Variants in PSD3 observed in about 807,000 individuals in gnomAD.
PSD3 encodes pleckstrin and Sec7 domain containing 3, also known as PH and SEC7 domain-containing protein 3.
A neutral mutation model predicts 105.5 loss-of-function variants in PSD3; 49 were observed. The ratio of observed to expected loss-of-function variants is 0.46; its 90% confidence interval spans 0.37 to 0.59. The LOEUF (loss-of-function observed/expected upper bound fraction) is 0.59, where lower values mean the gene tolerates loss of function less well. Among genes scored for constraint, PSD3 ranks in the 20% least tolerant of loss-of-function variants. The pLI is 0.00. For synonymous variants in PSD3, 557 were observed against 457.8 expected, an observed-to-expected ratio of 1.22 and a Z score of -2.77; for missense variants, 1,561 against 1,263.8, an observed-to-expected ratio of 1.24 and a Z score of -3.57.
At chr8:18,586,459 T>C (rs1803194675) in intron 12 of PSD3, among the ~76,000 whole-genome samples, 1 of 152,206 alleles carries the variant, frequency 6.6e-6, no homozygotes, top group East Asian at 1.9e-4. Flanking sequence ...TATTACGTAG[T>C]TGAGAAGTCT....
rs1585186191 is a variant in PSD3 at position 18,533,309 on chromosome 8, C to T, written c.*2434G>A. 1 of 152,282 alleles carries T rather than the reference C, an allele frequency of 6.6e-6. No individual in the cohort carries two copies. The highest frequency in any genetic ancestry group is 1.9e-4 in the East Asian group (1 of 5,180). 9.4% of individuals were successfully genotyped at this position (152,282 alleles called of 1,614,324 possible). A position where few individuals can be genotyped will look rare whatever the true frequency, so the allele number is the denominator to read the frequency against. The stretch of plus-strand genomic sequence containing the variant: ...ATGGACAGCATCATGCTACGGCAGT[C>T]TGAGATCCTGGCTCACAAAAGAACC... On this transcript the variant is annotated 3_prime_UTR_variant, in exon 16 of 16. Coordinates refer to ENST00000327040, the MANE Select transcript of PSD3 (RefSeq NM_015310.4).
At chr8:19,005,549 C>T (rs144770127) in intron 1 of PSD3, among the ~76,000 whole-genome samples, 61 of 152,074 alleles carry the variant, frequency 4.0e-4, no homozygotes, top group Admixed American at 1.3e-3. Flanking sequence ...GATGCAATCA[C>T]GACACACTGC....
At chr8:18,817,045 G>A (rs1812275089) in intron 4 of PSD3, among the ~76,000 whole-genome samples, 1 of 152,166 alleles carries the variant, frequency 6.6e-6, no homozygotes, top group African/African-American at 2.4e-5. Flanking sequence ...GATGGCGTTT[G>A]GTAAGTTTTA....
intron 4 of PSD3, among the ~76,000 whole-genome samples, chr8:18,808,398 G>C (rs907487574): frequency 5.3e-5 from 8 of 152,080 alleles, no homozygotes; most frequent in Non-Finnish European, 1.0e-4. Context: ...AAATACAAGA[G>C]GCTTATTCTA....
At chr8:18,860,949 G>C (rs17127349) in intron 4 of PSD3, among the ~76,000 whole-genome samples, 13,156 of 151,906 alleles carry the variant, frequency 0.087, 702 homozygotes, top group African/African-American at 0.15. Flanking sequence ...AACAGGCGCC[G>C]CACCATGCTC....
At chr8:18,602,143 C>T (rs955663797) in intron 11 of PSD3, among the ~76,000 whole-genome samples, 2 of 152,200 alleles carry the variant, frequency 1.3e-5, no homozygotes, top group African/African-American at 4.8e-5. Context: ...AGTACAAAGG[C>T]TTTCCCCGAG....
At chr8:19,080,940 G>T (rs1268794875) in intron 1 of PSD3, among the ~76,000 whole-genome samples, 1 of 152,098 alleles carries the variant, frequency 6.6e-6, no homozygotes. Flanking sequence ...TTAAGATGTG[G>T]AAATGTCCCG....
intron 4 of PSD3, among the ~76,000 whole-genome samples, chr8:18,817,150 T>C (rs1285241099): frequency 1.3e-5 from 2 of 152,164 alleles, no homozygotes; most frequent in Non-Finnish European, 2.9e-5. Flanking sequence ...TCACTTACAA[T>C]TTCAAAGTAG....
At chr8:18,594,121 A>AATAATATATATTATATATATATTAT (rs1311147612) in intron 12 of PSD3, among the ~76,000 whole-genome samples, 8 of 42,038 alleles carry the variant, frequency 1.9e-4, no homozygotes, top group South Asian at 9.3e-4. Context: ...CTTAAAGTAT[A>AATAATATATATTATATATATATTAT]ATAATATATA....
intron 1 of PSD3, among the ~76,000 whole-genome samples, chr8:18,959,407 C>T (rs923871612): frequency 2.6e-5 from 4 of 152,252 alleles, no homozygotes; most frequent in East Asian, 3.9e-4. Context: ...CAAAATAACC[C>T]GCTGTACACT....
chr8:18,861,479 C>T (rs996869085), intron 4 of PSD3, among the ~76,000 whole-genome samples: 1 of 152,112 alleles, frequency 6.6e-6, no homozygotes, highest in Non-Finnish European at 1.5e-5. Flanking sequence ...CCCACCAGCA[C>T]TTCACAAGTA....
At chr8:18,656,127 G>A (rs569955826) in intron 9 of PSD3, among the ~76,000 whole-genome samples, 1 of 152,184 alleles carries the variant, frequency 6.6e-6, no homozygotes, top group African/African-American at 2.4e-5. Flanking sequence ...GCACAATCTT[G>A]GCTCACTGCA....
At chr8:18,987,293 T>TA (rs1563488399) in intron 1 of PSD3, among the ~76,000 whole-genome samples, 1 of 147,198 alleles carries the variant, frequency 6.8e-6, no homozygotes, top group East Asian at 2.0e-4. Context: ...TTTTTTTTTA[T>TA]ATATATTTTT....
rs148699871 is a variant in PSD3 at position 19,070,731 on chromosome 8, C to G, written c.324+13475G>C. On this transcript the variant is annotated intron_variant, in intron 1 of 1. Coordinates refer to the PSD3 transcript ENST00000521475. ...AAGCACTACTATTTTCTTTCAGTACCTAGTACATTGTCTTGTACACCTCAC... is the reference window on the plus strand; with the variant it reads ...AAGCACTACTATTTTCTTTCAGTACGTAGTACATTGTCTTGTACACCTCAC... 9.2e-5 allele frequency among the ~76,000 whole-genome samples: 14 copies of G among 152,158 alleles called. No individual in the cohort carries two copies. In the East Asian group the frequency reaches 1.7e-3, roughly 19 times the overall value.
chr8:18,803,158 G>A (rs762420320), intron 6 of PSD3: 14 of 243,364 alleles, frequency 5.8e-5, no homozygotes, highest in South Asian at 3.5e-4. Flanking sequence ...GTGGTGGTGC[G>A]TACCTGTAGT....
At chr8:18,749,307 A>G (rs1805286130) in intron 9 of PSD3, among the ~76,000 whole-genome samples, 3 of 152,204 alleles carry the variant, frequency 2.0e-5, no homozygotes, top group Non-Finnish European at 4.4e-5. Flanking sequence ...CTCCAGCTCT[A>G]TAGCACCCAT....
At chr8:19,013,341 C>T (rs1318919198) in intron 1 of PSD3, among the ~76,000 whole-genome samples, 2 of 151,958 alleles carry the variant, frequency 1.3e-5, no homozygotes, top group African/African-American at 4.8e-5. Context: ...AACTAAAACC[C>T]CTAAACCTTA....
At chr8:18,902,028 A>G (rs1401920145) in intron 2 of PSD3, among the ~76,000 whole-genome samples, 1 of 152,242 alleles carries the variant, frequency 6.6e-6, no homozygotes. Context: ...AAAGAAAAAA[A>G]AAGACCTTTT....
Position 18,817,696 on chromosome 8 carries a change from T to A in PSD3, c.1635-12798A>T, listed in dbSNP as rs368543420. The stretch of plus-strand genomic sequence containing the variant: ...CAAAGCTGAAAGTTTCTGAGTTTTA[T>A]TGTAAGCAATTTCCTTATTACGGAA... On this transcript the variant is annotated intron_variant, in intron 4 of 15. Coordinates refer to ENST00000327040, the MANE Select transcript of PSD3 (RefSeq NM_015310.4). Among the ~76,000 whole-genome samples the A allele has an allele frequency of 1.8e-4, 27 of 152,330 alleles. No homozygotes were observed. In the East Asian group the frequency reaches 2.5e-3, roughly 14 times the overall value.
Sources: gnomAD v4.1 joint callset for allele counts (sites outside exome capture counted in the v4.1 genomes callset) on GRCh38, gnomAD v4.1.1 for gene constraint, MANE v1.5 for transcripts, NCBI Gene and HGNC (gene_info 2026-07-23, HGNC 2026-07-21) for gene names.